ZBTB20: variants seen among roughly 807,000 people sequenced by gnomAD.
ZBTB20 encodes the protein zinc finger and BTB domain-containing protein 20.
ZBTB20 carries 9 observed loss-of-function variants against 56.9 expected under a neutral mutation model. That is an observed-to-expected ratio of 0.16 (90% CI 0.10 to 0.28). The LOEUF (loss-of-function observed/expected upper bound fraction) is 0.28. Among genes scored for constraint, ZBTB20 ranks in the 10% least tolerant of loss-of-function variants. The pLI, the probability that ZBTB20 is intolerant of heterozygous loss-of-function variation, is 1.00. For synonymous variants in ZBTB20, 417 were observed against 420.7 expected, an observed-to-expected ratio of 0.99 and a Z score of 0.11; for missense variants, 655 against 1,003.0, an observed-to-expected ratio of 0.65 and a Z score of 4.69.
intron 7 of ZBTB20, among the ~76,000 whole-genome samples, chr3:114,430,894 C>T (rs564478024): frequency 4.6e-5 from 7 of 152,128 alleles, no homozygotes; most frequent in Non-Finnish European, 1.0e-4. Context: ...CTCACTGCCT[C>T]TACTTACCTT....
chr3:114,652,742 G>GAATC (rs1271542065), intron 6 of ZBTB20, among the ~76,000 whole-genome samples: 1 of 151,888 alleles, frequency 6.6e-6, no homozygotes, highest in Non-Finnish European at 1.5e-5. Context: ...ATATTTTGAT[G>GAATC]GTGATTGCAT....
chr3:114,439,420 C>A (rs1421338872), intron 7 of ZBTB20, among the ~76,000 whole-genome samples: 2 of 152,238 alleles, frequency 1.3e-5, no homozygotes, highest in African/African-American at 4.8e-5. Context: ...CAACAGTATG[C>A]TTTCTCCCTT....
chr3:115,035,935 T>G (rs905897393), intron 2 of ZBTB20, among the ~76,000 whole-genome samples: 1 of 152,112 alleles, frequency 6.6e-6, no homozygotes, highest in Non-Finnish European at 1.5e-5. Flanking sequence ...ATCAGTGAAC[T>G]TTGAGGACAC....
chr3:114,783,982 T>C (rs953700022), intron 5 of ZBTB20, among the ~76,000 whole-genome samples: 6 of 152,126 alleles, frequency 3.9e-5, no homozygotes, highest in Admixed American at 3.9e-4. Flanking sequence ...CCAATTCTTA[T>C]CATTTTAATG....
At chr3:114,809,142 G>T (rs944340651) in intron 4 of ZBTB20, among the ~76,000 whole-genome samples, 1 of 151,548 alleles carries the variant, frequency 6.6e-6, no homozygotes, top group Admixed American at 6.6e-5. Context: ...TGACTATAAT[G>T]TGTCTATGTA....
At chr3:115,047,165 C>T (rs1343334000) in intron 2 of ZBTB20, among the ~76,000 whole-genome samples, 1 of 152,182 alleles carries the variant, frequency 6.6e-6, no homozygotes, top group Non-Finnish European at 1.5e-5. Context: ...TTACTTGTAA[C>T]TGTTTTTGCT....
chr3:114,639,887 ATAT>A (rs1268184732), intron 6 of ZBTB20, among the ~76,000 whole-genome samples: 3 of 152,018 alleles, frequency 2.0e-5, no homozygotes, highest in Non-Finnish European at 4.4e-5. Context: ...GTTCTCATAA[ATAT>A]TATCTGTTTT....
At chr3:114,385,441 G>T (rs2084988319) in intron 8 of ZBTB20, among the ~76,000 whole-genome samples, 1 of 152,126 alleles carries the variant, frequency 6.6e-6, no homozygotes, top group South Asian at 2.1e-4. Flanking sequence ...ACCGCTTAGG[G>T]TTATTGTGAG....
At chr3:114,699,003 AATC>A (rs957709129) in intron 5 of ZBTB20, among the ~76,000 whole-genome samples, 7 of 152,180 alleles carry the variant, frequency 4.6e-5, no homozygotes, top group Non-Finnish European at 8.8e-5. Flanking sequence ...TTTTACAAGA[AATC>A]TTAGGCTATA....
At chr3:114,783,564 G>A (rs1283883643) in intron 5 of ZBTB20, among the ~76,000 whole-genome samples, 1 of 152,104 alleles carries the variant, frequency 6.6e-6, no homozygotes, top group Non-Finnish European at 1.5e-5. Context: ...GGGAGGCTGA[G>A]GCGGGTGGAT....
chr3:114,995,689 T>A (rs1442324554), intron 2 of ZBTB20, among the ~76,000 whole-genome samples: 1 of 151,892 alleles, frequency 6.6e-6, no homozygotes. Flanking sequence ...TACCATAGTA[T>A]GATAGAACAT....
intron 5 of ZBTB20, among the ~76,000 whole-genome samples, chr3:114,800,103 G>A (rs941919029): frequency 1.3e-5 from 2 of 151,832 alleles, no homozygotes; most frequent in African/African-American, 2.4e-5. Flanking sequence ...GACTCTTAGC[G>A]AAAGAACTTG....
At chr3:114,657,060 T>C (rs768888130) in intron 6 of ZBTB20, among the ~76,000 whole-genome samples, 8 of 152,240 alleles carry the variant, frequency 5.3e-5, no homozygotes, top group Non-Finnish European at 8.8e-5. Context: ...AAAAATTACA[T>C]GTCACATTTT....
chr3:114,812,927 G>A (rs2072653801), intron 4 of ZBTB20, among the ~76,000 whole-genome samples: 1 of 152,218 alleles, frequency 6.6e-6, no homozygotes, highest in African/African-American at 2.4e-5. Flanking sequence ...CGGGGCCGGT[G>A]GGGCAGGCCG....
intron 5 of ZBTB20, among the ~76,000 whole-genome samples, chr3:114,753,749 A>C (rs1205577931): frequency 1.3e-5 from 2 of 151,958 alleles, no homozygotes; most frequent in Non-Finnish European, 2.9e-5. Context: ...TATATTTTAT[A>C]TTAAGTAATT....
chr3:114,731,681 C>T (rs976364180), intron 5 of ZBTB20, among the ~76,000 whole-genome samples: 2 of 151,956 alleles, frequency 1.3e-5, no homozygotes, highest in African/African-American at 4.8e-5. Flanking sequence ...ACTAATCCAG[C>T]TGTACCTAGA....
rs184492146 is a variant in ZBTB20, at chr3:114,500,354, A to G, written c.-257T>C. On this transcript the variant is annotated splice_region_variant and 5_prime_UTR_variant, in exon 7 of 12. Coordinates refer to ENST00000675478, the MANE Select transcript of ZBTB20 (RefSeq NM_001348800.3). ...GTAAAGAAATCACTTTTACTTACGT[A>G]AAGAGAAGGGGCAGGTCACAGACTG... 6.6e-6 allele frequency: 1 copy of G among 152,342 alleles called. No homozygotes were observed. 9.4% of individuals were successfully genotyped at this position (152,342 alleles called of 1,614,324 possible).
At chr3:114,445,302 T>A (rs547183891) in intron 7 of ZBTB20, among the ~76,000 whole-genome samples, 1 of 152,298 alleles carries the variant, frequency 6.6e-6, no homozygotes, top group East Asian at 1.9e-4. Flanking sequence ...TTGACTCTTA[T>A]TTTCCACATC....
intron 3 of ZBTB20, among the ~76,000 whole-genome samples, chr3:114,902,490 T>C (rs555540774): frequency 2.6e-5 from 4 of 152,326 alleles, no homozygotes; most frequent in Admixed American, 2.0e-4. Flanking sequence ...ATTTGGTACA[T>C]TTTAAAGCAA....
Sources: allele counts gnomAD v4.1 joint callset (sites outside exome capture counted in the v4.1 genomes callset), GRCh38; gene constraint gnomAD v4.1.1; transcripts MANE v1.5; gene names NCBI Gene and HGNC (gene_info 2026-07-23, HGNC 2026-07-21).